The following PRKCA variants were observed in gnomAD, a reference collection of about 807,000 sequenced individuals.
PRKCA encodes the protein protein kinase C alpha.
Under a neutral mutation model 87.0 loss-of-function variants are expected in PRKCA, and 27 were observed. That is an observed-to-expected ratio of 0.31 (90% CI 0.23 to 0.43). The LOEUF (loss-of-function observed/expected upper bound fraction) is 0.43, where lower values mean the gene tolerates loss of function less well. PRKCA is among the 20% of genes least tolerant of loss of function. PRKCA has a pLI of 1.00. For missense variants in PRKCA, 518 were observed against 852.3 expected, an observed-to-expected ratio of 0.61 and a Z score of 4.88; for synonymous variants, 329 against 311.1, an observed-to-expected ratio of 1.06 and a Z score of -0.61.
At chr17:66,394,781 T>C (rs1910564018) in intron 2 of PRKCA, among the ~76,000 whole-genome samples, 2 of 152,100 alleles carry the variant, frequency 1.3e-5, no homozygotes, top group African/African-American at 4.8e-5. Context: ...CGAGATCTGA[T>C]GGTTCTATAT....
At chr17:66,668,456 T>C (rs1972095125) in intron 5 of PRKCA, among the ~76,000 whole-genome samples, 1 of 152,184 alleles carries the variant, frequency 6.6e-6, no homozygotes, top group Non-Finnish European at 1.5e-5. Flanking sequence ...TACCAAGCAC[T>C]GTGAATTGGA....
At chr17:66,752,959 C>G (rs1974471196) in intron 13 of PRKCA, among the ~76,000 whole-genome samples, 1 of 152,210 alleles carries the variant, frequency 6.6e-6, no homozygotes, top group Non-Finnish European at 1.5e-5. Flanking sequence ...TAGAGCAGAG[C>G]TGAGCAAACT....
intron 3 of PRKCA, among the ~76,000 whole-genome samples, chr17:66,562,503 T>C (rs1255965532): frequency 6.6e-6 from 1 of 151,986 alleles, no homozygotes; most frequent in African/African-American, 2.4e-5. Flanking sequence ...TTTTCTAGGT[T>C]CCCTGAGTCT....
intron 2 of PRKCA, among the ~76,000 whole-genome samples, chr17:66,343,497 C>T (rs1907169627): frequency 6.6e-6 from 1 of 152,052 alleles, no homozygotes. Flanking sequence ...GTAGGGGAAG[C>T]TGGTTTTGTT....
At chr17:66,507,795 A>G (rs772011054) in intron 3 of PRKCA, among the ~76,000 whole-genome samples, 1 of 152,146 alleles carries the variant, frequency 6.6e-6, no homozygotes, top group Non-Finnish European at 1.5e-5. Context: ...CTGATGAGTC[A>G]TGTTTTTTAG....
At chr17:66,628,883 G>T (rs569689274) in intron 3 of PRKCA, among the ~76,000 whole-genome samples, 80 of 152,226 alleles carry the variant, frequency 5.3e-4, no homozygotes, top group African/African-American at 1.2e-3. Flanking sequence ...AAAAAAATTA[G>T]CCAGGCATGT....
intron 8 of PRKCA, among the ~76,000 whole-genome samples, chr17:66,718,659 G>C (rs1252802616): frequency 1.3e-5 from 2 of 152,074 alleles, no homozygotes; most frequent in Non-Finnish European, 2.9e-5. Context: ...AATCCCATTC[G>C]TGAGGGATCC....
chr17:66,734,686 C>T (rs1366703081), intron 9 of PRKCA, among the ~76,000 whole-genome samples: 1 of 152,148 alleles, frequency 6.6e-6, no homozygotes, highest in African/African-American at 2.4e-5. Context: ...TGCCTGACCT[C>T]CTGGGAATGC....
chr17:66,623,764 C>A (rs942464177), intron 3 of PRKCA, among the ~76,000 whole-genome samples: 1 of 151,944 alleles, frequency 6.6e-6, no homozygotes, highest in African/African-American at 2.4e-5. Flanking sequence ...CCCCTTTAAC[C>A]GAGAGAGTCA....
intron 5 of PRKCA, among the ~76,000 whole-genome samples, chr17:66,662,492 AC>A (rs1427859775): frequency 6.6e-6 from 1 of 152,096 alleles, no homozygotes; most frequent in Non-Finnish European, 1.5e-5. Flanking sequence ...GAAAAGTTTT[AC>A]ATCCAAGATA....
intron 2 of PRKCA, among the ~76,000 whole-genome samples, chr17:66,443,425 C>T (rs767720933): frequency 1.3e-5 from 2 of 152,170 alleles, no homozygotes; most frequent in African/African-American, 4.8e-5. Flanking sequence ...TCTTAGATGT[C>T]GTTGTGTATT....
At chr17:66,626,639 G>C (rs1351066017) in intron 3 of PRKCA, among the ~76,000 whole-genome samples, 1 of 151,880 alleles carries the variant, frequency 6.6e-6, no homozygotes, top group Non-Finnish European at 1.5e-5. Flanking sequence ...CAAAGTGCTG[G>C]GATTACAGGC....
intron 3 of PRKCA, among the ~76,000 whole-genome samples, chr17:66,545,633 C>T (rs1330322704): frequency 6.6e-6 from 1 of 152,102 alleles, no homozygotes; most frequent in Non-Finnish European, 1.5e-5. Flanking sequence ...ACCACTGAGG[C>T]TCTGTCAATA....
At chr17:66,348,373 T>G (rs1327362721) in intron 2 of PRKCA, among the ~76,000 whole-genome samples, 1 of 152,194 alleles carries the variant, frequency 6.6e-6, no homozygotes, top group Non-Finnish European at 1.5e-5. Flanking sequence ...CACTGTCACC[T>G]TGACTCAGGC....
Position 66,487,330 on chromosome 17 carries a change from T to C in PRKCA, c.206-8871T>C, listed in dbSNP as rs4791059. Among the ~76,000 whole-genome samples, 903 of 152,328 alleles carry C rather than the reference T, an allele frequency of 5.9e-3. 5 individuals are homozygous for C. Among genetic ancestry groups the C allele is most frequent in the Middle Eastern group, 0.041 (12 of 294 alleles). On this transcript the variant is annotated intron_variant, in intron 2 of 16. Transcript: ENST00000413366. ...ACATAATGACCTCCAGTTCTTTTCA[T>C]GTTGCTGCAAATGATAGGATTTCAT...
chr17:66,493,618 TTTG>T (rs1414793506), intron 2 of PRKCA, among the ~76,000 whole-genome samples: 1 of 151,714 alleles, frequency 6.6e-6, no homozygotes, highest in Non-Finnish European at 1.5e-5. Flanking sequence ...GCATGCTAGA[TTTG>T]GGGGATCTGG....
intron 5 of PRKCA, among the ~76,000 whole-genome samples, chr17:66,682,659 TA>T (rs113576823): frequency 2.6e-5 from 4 of 151,934 alleles, no homozygotes; most frequent in South Asian, 2.1e-4. Context: ...ATAGATCTTT[TA>T]AAAAAAAACT....
intron 2 of PRKCA, among the ~76,000 whole-genome samples, chr17:66,474,254 G>A (rs1283106601): frequency 6.6e-6 from 1 of 152,154 alleles, no homozygotes; most frequent in Non-Finnish European, 1.5e-5. Flanking sequence ...CTATTGACAT[G>A]CTCAGAACTT....
chr17:66,413,528 T>C (rs1911939685), intron 2 of PRKCA, among the ~76,000 whole-genome samples: 1 of 152,128 alleles, frequency 6.6e-6, no homozygotes, highest in African/African-American at 2.4e-5. Flanking sequence ...AATCAGATGA[T>C]TTTCCTGGCA....
Sources: allele counts gnomAD v4.1 joint callset (sites outside exome capture counted in the v4.1 genomes callset), GRCh38; gene constraint gnomAD v4.1.1; transcripts MANE v1.5; gene names NCBI Gene and HGNC (gene_info 2026-07-23, HGNC 2026-07-21).